The following SPATA33 variants were observed in gnomAD, a reference collection of about 807,000 sequenced individuals.
SPATA33 encodes the protein spermatogenesis associated 33.
SPATA33 carries 10 observed loss-of-function variants against 8.9 expected under a neutral mutation model. The ratio of observed to expected loss-of-function variants is 1.12; its 90% CI spans 0.69 to 1.90. SPATA33 has a LOEUF of 1.90. Ranked by LOEUF, SPATA33 falls within the 40% of genes most tolerant of loss-of-function variation. SPATA33 has a pLI of 0.00. For missense variants in SPATA33, 241 were observed against 178.3 expected, an observed-to-expected ratio of 1.35 and a Z score of -2.00; for synonymous variants, 96 against 72.8, an observed-to-expected ratio of 1.32 and a Z score of -1.63.
rs573709618 is a variant in SPATA33, at chr16:89,661,432, A to C, written c.211+3011A>C. ...TGTAAGATGTGACTCGCTCCTCCCT[A>C]CCTTCCGCCGTGATTGTGAGGCGTC... On this transcript the variant is annotated intron_variant, in intron 2 of 2. Transcript: ENST00000579310. 6 of 157,650 alleles carry C rather than the reference A, an allele frequency of 3.8e-5. No individual in the cohort carries two copies. In the Admixed American group the frequency reaches 3.9e-4, roughly 10 times the overall value. 9.8% of individuals were successfully genotyped at this position (157,650 alleles called of 1,614,324 possible). A position where few individuals can be genotyped will look rare whatever the true frequency, so the allele number is the denominator to read the frequency against.
chr16:89,657,907 CA>C lies in SPATA33; in HGVS notation c.-4del, dbSNP rs1435343018. On this transcript the variant is annotated 5_prime_UTR_variant, in exon 1 of 3. Transcript: ENST00000579310. Reference sequence around the variant, plus strand: ...CTTGCGTCGGAGGGGGCGGTGGGCTCACCCATGGGCCTTTCCAAAAGCAAAG... The same window carrying C: ...CTTGCGTCGGAGGGGGCGGTGGGCTCCCCATGGGCCTTTCCAAAAGCAAAG... 2.6e-6 allele frequency: 4 copies of C among 1,516,706 alleles called. No individual in the cohort carries two copies. The African/African-American group carries it at 5.7e-5, about 22-fold the overall frequency. 94.0% of individuals were successfully genotyped at this position (1,516,706 alleles called of 1,614,324 possible). A position where few individuals can be genotyped will look rare whatever the true frequency, so the allele number is the denominator to read the frequency against.
chr16:89,658,709 G>T (rs968944690), intron 2 of SPATA33: 3 of 457,380 alleles, frequency 6.6e-6, no homozygotes, highest in Non-Finnish European at 8.0e-6. Flanking sequence ...GGTTCTCCTC[G>T]AGGGCTGGGT....
intron 2 of SPATA33, among the ~76,000 whole-genome samples, chr16:89,665,963 C>T (rs2060020148): frequency 6.6e-6 from 1 of 152,064 alleles, no homozygotes; most frequent in East Asian, 1.9e-4. Context: ...GCCTGTAGTG[C>T]CAGCTACTTG....
At chr16:89,660,872 A>G (rs1189950829) in intron 2 of SPATA33, 10 of 1,110,636 alleles carry the variant, frequency 9.0e-6, no homozygotes, top group Non-Finnish European at 9.9e-6. Context: ...CCTGTGAGCA[A>G]ACAAGCCTTT....
intron 2 of SPATA33, chr16:89,661,274 T>A: frequency 1.1e-6 from 1 of 929,122 alleles, no homozygotes. Context: ...AGGAACTGGG[T>A]GGGAGGTGAT....
At chr16:89,660,900 G>A in intron 2 of SPATA33, 2 of 1,057,326 alleles carry the variant, frequency 1.9e-6, no homozygotes, top group East Asian at 6.8e-5. Context: ...CCAGGCTCTG[G>A]CTGGAACCTT....
At chr16:89,658,943 GAAGCTAGAATACA>G (rs1266302624) in intron 2 of SPATA33, 1 of 154,866 alleles carries the variant, frequency 6.5e-6, no homozygotes, top group East Asian at 1.9e-4. Flanking sequence ...AAAGTAGGAA[GAAGCTAGAATACA>G]AAGTTTTCCA....
intron 2 of SPATA33, among the ~76,000 whole-genome samples, chr16:89,665,074 C>T (rs921108634): frequency 1.3e-5 from 2 of 151,074 alleles, no homozygotes; most frequent in Non-Finnish European, 3.0e-5. Flanking sequence ...TGGCTCATTG[C>T]ACTCTTGACG....
chr16:89,665,528 A>T (rs1383297196), intron 2 of SPATA33, among the ~76,000 whole-genome samples: 39 of 141,544 alleles, frequency 2.8e-4, no homozygotes, highest in Admixed American at 8.5e-4. Context: ...GTTAACCAGA[A>T]TGGTCTTAAT....
At chr16:89,666,131 C>G (rs1347479385) in intron 2 of SPATA33, among the ~76,000 whole-genome samples, 3 of 151,938 alleles carry the variant, frequency 2.0e-5, no homozygotes, top group African/African-American at 7.3e-5. Context: ...ATCTGGAAAA[C>G]CAGAGGCATG....
intron 2 of SPATA33, among the ~76,000 whole-genome samples, chr16:89,668,226 C>T (rs972371226): frequency 5.3e-5 from 8 of 152,186 alleles, no homozygotes; most frequent in African/African-American, 1.9e-4. Context: ...GCAGGAGAAT[C>T]ACTTGAACTC....
chr16:89,657,869 G>A lies in SPATA33; in HGVS notation c.-43G>A. On this transcript the variant is annotated 5_prime_UTR_variant, in exon 1 of 3. It adds an upstream start codon to the 5' untranslated region. Transcript: ENST00000579310. ...CTCCCGGCTCCGCGGCCGCGGAGGT[G>A]TGGGGACCCGGGCTTGCGTCGGAGG... 6.6e-7 allele frequency: 1 copy of A among 1,514,672 alleles called. No homozygotes were observed. Among genetic ancestry groups the A allele is most frequent in the Admixed American group, 2.1e-5 (1 of 48,452 alleles). The allele number at this position is 1,514,672 out of a possible 1,614,324, so 93.8% of individuals were successfully genotyped here. A position where few individuals can be genotyped will look rare whatever the true frequency, so the allele number is the denominator to read the frequency against.
At position 89,669,673 on chromosome 16, in the gene SPATA33, A is replaced by G. The variant is rs908040833; in HGVS notation, c.*176A>G. 1.7e-5 allele frequency: 11 copies of G among 632,504 alleles called. No homozygotes were observed. The highest frequency in any genetic ancestry group is 2.7e-5 in the Non-Finnish European group (10 of 372,220). 39.2% of individuals were successfully genotyped at this position (632,504 alleles called of 1,614,324 possible). A position where few individuals can be genotyped will look rare whatever the true frequency, so the allele number is the denominator to read the frequency against. On this transcript the variant is annotated 3_prime_UTR_variant, in exon 3 of 3. Coordinates refer to ENST00000579310, the MANE Select transcript of SPATA33 (RefSeq NM_001271907.2). ...TCTCCAGTGCTTTCGGGGAGGGTGC[A>G]CCAGGCCCGCCCCACCTTGTGAGAA...
intron 2 of SPATA33, chr16:89,659,855 A>C (rs2151525301): frequency 6.6e-6 from 1 of 152,404 alleles, no homozygotes; most frequent in Admixed American, 6.5e-5. Flanking sequence ...GACTTGGAAG[A>C]AAGACTTGGA....
chr16:89,667,198 G>C (rs527542661), intron 2 of SPATA33, among the ~76,000 whole-genome samples: 3 of 152,280 alleles, frequency 2.0e-5, no homozygotes, highest in South Asian at 4.1e-4. Flanking sequence ...CCAGACGCTG[G>C]CGTTACCACT....
chr16:89,658,037 C>T (rs1341141870), intron 1 of SPATA33, 89 bp downstream of exon 1: 4 of 1,459,440 alleles, frequency 2.7e-6, no homozygotes, highest in Non-Finnish European at 3.6e-6. Flanking sequence ...GCGGTGTGAG[C>T]GCAGGCGCCA....
At chr16:89,658,599 T>C (rs893145378) in intron 2 of SPATA33, 178 bp downstream of exon 2, 7 of 815,410 alleles carry the variant, frequency 8.6e-6, no homozygotes, top group Non-Finnish European at 1.3e-5. Flanking sequence ...GAAATCTTAG[T>C]TGAAAACATA....
chr16:89,663,793 G>A (rs577362609), intron 2 of SPATA33, among the ~76,000 whole-genome samples: 6 of 152,234 alleles, frequency 3.9e-5, no homozygotes, highest in Admixed American at 2.6e-4. Flanking sequence ...CCATTTCCTC[G>A]TGTCGATAAT....
At chr16:89,658,483 G>A (rs762790884) in intron 2 of SPATA33, 62 bp downstream of exon 2, 4 of 1,540,792 alleles carry the variant, frequency 2.6e-6, no homozygotes, top group East Asian at 2.4e-5. Context: ...GGGCTGGGGT[G>A]AGGAGCCTAC....
Sources: gnomAD v4.1 joint callset for allele counts (sites outside exome capture counted in the v4.1 genomes callset) on GRCh38, gnomAD v4.1.1 for gene constraint, MANE v1.5 for transcripts, NCBI Gene and HGNC (gene_info 2026-07-23, HGNC 2026-07-21) for gene names.